The following ABCG2 variants were observed in gnomAD, a reference collection of about 807,000 sequenced individuals.
ABCG2 encodes broad substrate specificity ATP-binding cassette transporter ABCG2.
Under a neutral mutation model 73.5 loss-of-function variants are expected in ABCG2, and 80 were observed. The ratio of observed to expected loss-of-function variants is 1.09; its 90% CI spans 0.91 to 1.31. ABCG2 has a LOEUF of 1.31. ABCG2 is among the 50% of genes most tolerant of loss of function. The pLI is 0.00. For synonymous variants in ABCG2, 269 were observed against 282.4 expected (o/e 0.95, Z 0.48); for missense variants, 796 against 786.2 (o/e 1.01, Z -0.15).
At chr4:88,133,522 C>T (rs1407640093) in intron 2 of ABCG2, among the ~76,000 whole-genome samples, 1 of 152,030 alleles carries the variant, frequency 6.6e-6, no homozygotes, top group African/African-American at 2.4e-5. Context: ...AATATGAAGA[C>T]GTGGTACATA....
At chr4:88,150,024 G>T (rs1247294658) in intron 1 of ABCG2, among the ~76,000 whole-genome samples, 2 of 151,542 alleles carry the variant, frequency 1.3e-5, no homozygotes, top group Non-Finnish European at 2.9e-5. Flanking sequence ...AAGCAAAAGA[G>T]GAAGGGTGGG....
intron 1 of ABCG2, among the ~76,000 whole-genome samples, chr4:88,179,423 G>C (rs889059743): frequency 1.3e-5 from 2 of 152,098 alleles, no homozygotes; most frequent in Non-Finnish European, 2.9e-5. Context: ...CCGTACACCT[G>C]GAAAGCCTTC....
chr4:88,189,553 AT>A (rs1728600221), intron 1 of ABCG2, among the ~76,000 whole-genome samples: 1 of 149,276 alleles, frequency 6.7e-6, no homozygotes, highest in African/African-American at 2.5e-5. Context: ...AAATAAATAA[AT>A]AAGAAATAAA....
In ABCG2 at chr4:88,102,907, T is replaced by C. The variant is rs1722532017; in HGVS notation, c.1278-1588A>G. On this transcript the variant is annotated intron_variant, in intron 10 of 15. Transcript: ENST00000237612. ...ATCTAAGGGAACAGGCTAGGGTCTTTTTTGTTTTATTTTATTTTTAGAGAC... is the reference window on the plus strand; with the variant it reads ...ATCTAAGGGAACAGGCTAGGGTCTTCTTTGTTTTATTTTATTTTTAGAGAC... Among the ~76,000 whole-genome samples the C allele has an allele frequency of 2.6e-5, 4 of 152,092 alleles. No homozygotes were observed. The South Asian group carries it at 6.2e-4, about 24-fold the overall frequency.
At chr4:88,181,461 T>C (rs1000766317) in intron 1 of ABCG2, among the ~76,000 whole-genome samples, 1 of 147,726 alleles carries the variant, frequency 6.8e-6, no homozygotes, top group African/African-American at 2.5e-5. Context: ...CCAGGCATGG[T>C]GACTCATGTA....
chr4:88,142,904 T>C (rs937024069), intron 1 of ABCG2, among the ~76,000 whole-genome samples: 1 of 152,098 alleles, frequency 6.6e-6, no homozygotes, highest in African/African-American at 2.4e-5. Context: ...GCCGAGATCA[T>C]GCCACTGCAC....
chr4:88,135,064 A>T (rs1725150893), intron 2 of ABCG2, among the ~76,000 whole-genome samples: 1 of 152,194 alleles, frequency 6.6e-6, no homozygotes, highest in Non-Finnish European at 1.5e-5. Flanking sequence ...ACAGCTGAGT[A>T]GCTGCAACAC....
At chr4:88,147,380 C>T (rs1209676425) in intron 1 of ABCG2, among the ~76,000 whole-genome samples, 1 of 152,226 alleles carries the variant, frequency 6.6e-6, no homozygotes, top group Non-Finnish European at 1.5e-5. Flanking sequence ...GTTCTGCAAG[C>T]TTGGGTCACA....
At chr4:88,198,028 CAAAAA>C (rs34030026) in intron 1 of ABCG2, among the ~76,000 whole-genome samples, 1 of 115,638 alleles carries the variant, frequency 8.6e-6, no homozygotes, top group Non-Finnish European at 1.8e-5. Context: ...AGACTGTCTC[CAAAAA>C]AAAAAAAAAA....
chr4:88,141,753 T>A (rs1377362672), intron 1 of ABCG2, among the ~76,000 whole-genome samples: 3 of 151,984 alleles, frequency 2.0e-5, no homozygotes, highest in Admixed American at 6.6e-5. Context: ...ATGAAAAAAA[T>A]TTTTAAAATT....
At chr4:88,137,061 A>AAAATAAAATAAAATAAAATAAAAT (rs1402480427) in intron 2 of ABCG2, among the ~76,000 whole-genome samples, 23 of 149,790 alleles carry the variant, frequency 1.5e-4, no homozygotes, top group East Asian at 7.8e-4. Context: ...AAAATAAAAT[A>AAAATAAAATAAAATAAAATAAAAT]AGAATGAGGA....
upstream of ABCG2, among the ~76,000 whole-genome samples, chr4:88,164,132 T>C (rs566985288): frequency 1.6e-3 from 243 of 152,182 alleles, 2 homozygotes; most frequent in African/African-American, 5.6e-3. Context: ...AATGGTGTGA[T>C]CTCAGCTCAC....
chr4:88,171,217 C>A (rs554645712), intron 1 of ABCG2, among the ~76,000 whole-genome samples: 1 of 147,808 alleles, frequency 6.8e-6, no homozygotes, highest in Admixed American at 6.8e-5. Flanking sequence ...ACCCTCATGA[C>A]ACGAGTTTAC....
At position 88,213,981 on chromosome 4, in the gene ABCG2, C is replaced by A. The variant is rs775467491; in HGVS notation, c.-20+17013G>T. 2.4e-3 allele frequency among the ~76,000 whole-genome samples: 201 copies of A among 84,302 alleles called. 2 individuals carry two copies. The highest frequency in any genetic ancestry group is 2.1e-3 in the East Asian group (7 of 3,302). 55.3% of individuals were successfully genotyped at this position (84,302 alleles called of 152,430 possible). A position where few individuals can be genotyped will look rare whatever the true frequency, so the allele number is the denominator to read the frequency against. On this transcript the variant is annotated intron_variant, in intron 1 of 15. Coordinates refer to the ABCG2 transcript ENST00000515655. ...TACAGCCATGAGCCACCACGCCCGG[C>A]CTTTTTTTTTTTTTTTTTTTTTTTG...
intron 1 of ABCG2, among the ~76,000 whole-genome samples, chr4:88,179,404 C>T (rs1037458612): frequency 6.6e-6 from 1 of 152,150 alleles, no homozygotes; most frequent in Non-Finnish European, 1.5e-5. Flanking sequence ...TTACAACACC[C>T]AACTCCCACC....
chr4:88,125,783 T>A (rs3109824), intron 5 of ABCG2, among the ~76,000 whole-genome samples: 54,122 of 151,782 alleles, frequency 0.36, 9,788 homozygotes, highest in South Asian at 0.38. Context: ...ACTAAAGCAG[T>A]GTTTAGAGGG....
At chr4:88,184,500 G>A (rs1728375763) in intron 1 of ABCG2, among the ~76,000 whole-genome samples, 1 of 152,092 alleles carries the variant, frequency 6.6e-6, no homozygotes, top group Non-Finnish European at 1.5e-5. Context: ...AATCAAAGGA[G>A]TAAAATATCT....
chr4:88,214,030 C>A lies in ABCG2; in HGVS notation c.-20+16964G>T, dbSNP rs1729708471. 2.2e-5 allele frequency among the ~76,000 whole-genome samples: 3 copies of A among 134,796 alleles called. No individual in the cohort carries two copies. In the South Asian group the frequency reaches 7.0e-4, roughly 32 times the overall value. The allele number at this position is 134,796 out of a possible 152,430, so 88.4% of individuals were successfully genotyped here. ...TGAGACAGAGTCTCATTCTGTCGCCCAGGTTAGAGTGCAGTGGTGCAATCA... is the reference window on the plus strand; with the variant it reads ...TGAGACAGAGTCTCATTCTGTCGCCAAGGTTAGAGTGCAGTGGTGCAATCA... On this transcript the variant is annotated intron_variant, in intron 1 of 15. Transcript: ENST00000515655.
intron 1 of ABCG2, among the ~76,000 whole-genome samples, chr4:88,171,723 G>A (rs1012253049): frequency 6.6e-6 from 1 of 151,864 alleles, no homozygotes; most frequent in Non-Finnish European, 1.5e-5. Flanking sequence ...CTGCCTCTCT[G>A]TAGGAATTCT....
Sources: gnomAD v4.1 joint callset for allele counts (sites outside exome capture counted in the v4.1 genomes callset) on GRCh38, gnomAD v4.1.1 for gene constraint, MANE v1.5 for transcripts, NCBI Gene and HGNC (gene_info 2026-07-23, HGNC 2026-07-21) for gene names.